RNF150: variants seen among roughly 807,000 people sequenced by gnomAD.
RNF150 encodes ring finger protein 150.
RNF150 carries 24 observed loss-of-function variants against 39.3 expected under a neutral mutation model. The observed-to-expected ratio is 0.61, with a 90% CI of 0.44 to 0.86. The LOEUF is 0.86. Ranked by LOEUF, RNF150 falls within the 40% of genes least tolerant of loss-of-function variation. The probability of loss-of-function intolerance (pLI) is 0.00; values close to 1 mark genes in which losing one functional copy is unlikely to be tolerated. For synonymous variants in RNF150, 255 were observed against 227.3 expected (o/e 1.12, Z -1.10); for missense variants, 502 against 587.8 (o/e 0.85, Z 1.51).
At chr4:141,045,024 T>C (rs1226814801) in intron 1 of RNF150, among the ~76,000 whole-genome samples, 2 of 152,220 alleles carry the variant, frequency 1.3e-5, no homozygotes, top group African/African-American at 2.4e-5. Context: ...ACAACAACCA[T>C]ATGAGGTACA....
At chr4:140,985,432 G>C (rs1325827724) in intron 1 of RNF150, among the ~76,000 whole-genome samples, 1 of 151,930 alleles carries the variant, frequency 6.6e-6, no homozygotes, top group Non-Finnish European at 1.5e-5. Context: ...ATATTTTTTG[G>C]GTATTTTGGG....
chr4:141,196,333 G>T (rs564606252), intron 1 of RNF150, among the ~76,000 whole-genome samples: 12 of 152,270 alleles, frequency 7.9e-5, no homozygotes, highest in Non-Finnish European at 1.3e-4. Flanking sequence ...AAAGGGAGGA[G>T]GGCAAATGAC....
intron 4 of RNF150, among the ~76,000 whole-genome samples, chr4:140,941,967 A>G (rs950321307): frequency 6.6e-6 from 1 of 152,032 alleles, no homozygotes; most frequent in Admixed American, 6.6e-5. Context: ...CAAATTAAAA[A>G]TAAAACGCGC....
At chr4:141,178,650 G>A (rs893794371) in intron 1 of RNF150, among the ~76,000 whole-genome samples, 7 of 152,028 alleles carry the variant, frequency 4.6e-5, no homozygotes, top group African/African-American at 7.3e-5. Context: ...GTGGGGGAGC[G>A]GGAGGTGGGT....
chr4:140,953,613 G>A (rs923200429), intron 2 of RNF150, among the ~76,000 whole-genome samples: 10 of 151,608 alleles, frequency 6.6e-5, no homozygotes, highest in Middle Eastern at 3.4e-3. Flanking sequence ...CCATATGCAT[G>A]TAAACAAGTA....
intron 1 of RNF150, among the ~76,000 whole-genome samples, chr4:141,080,907 C>T (rs561906337): frequency 3.3e-5 from 5 of 152,252 alleles, no homozygotes; most frequent in African/African-American, 7.2e-5. Flanking sequence ...AAGGAACAGC[C>T]GGTGGGCCGA....
At chr4:140,955,061 G>C (rs1445296541) in intron 2 of RNF150, among the ~76,000 whole-genome samples, 1 of 152,088 alleles carries the variant, frequency 6.6e-6, no homozygotes, top group Non-Finnish European at 1.5e-5. Flanking sequence ...AAACAGAGTT[G>C]GTCCCAGTTG....
At chr4:141,055,289 C>T (rs1374111927) in intron 1 of RNF150, among the ~76,000 whole-genome samples, 3 of 152,220 alleles carry the variant, frequency 2.0e-5, no homozygotes, top group East Asian at 3.9e-4. Flanking sequence ...TACTCATCCC[C>T]GCTTATCATC....
intron 6 of RNF150, among the ~76,000 whole-genome samples, chr4:140,909,890 C>T (rs2111269479): frequency 6.6e-6 from 1 of 152,260 alleles, no homozygotes; most frequent in Admixed American, 6.5e-5. Flanking sequence ...TCACCAAGCT[C>T]CTCTTCAAGT....
chr4:141,169,166 C>T (rs1043110130), intron 1 of RNF150, among the ~76,000 whole-genome samples: 6 of 152,016 alleles, frequency 3.9e-5, no homozygotes, highest in African/African-American at 1.4e-4. Flanking sequence ...TAGCCCCATC[C>T]CCTCTTGGTA....
chr4:141,119,521 A>G (rs1276969396), intron 1 of RNF150, among the ~76,000 whole-genome samples: 1 of 152,054 alleles, frequency 6.6e-6, no homozygotes, highest in African/African-American at 2.4e-5. Flanking sequence ...ATAACAGCTG[A>G]CTCCAAAGGA....
chr4:141,127,184 G>A (rs888264691), intron 1 of RNF150, among the ~76,000 whole-genome samples: 1 of 152,196 alleles, frequency 6.6e-6, no homozygotes, highest in Non-Finnish European at 1.5e-5. Context: ...GACCAAGTTA[G>A]ACAGTTTGCC....
intron 1 of RNF150, among the ~76,000 whole-genome samples, chr4:141,144,863 A>C (rs1035641849): frequency 2.6e-5 from 4 of 152,174 alleles, no homozygotes; most frequent in Non-Finnish European, 5.9e-5. Context: ...GGAAGGAAGG[A>C]AAGGCATGCT....
intron 1 of RNF150, among the ~76,000 whole-genome samples, chr4:141,026,331 GAA>G (rs1288611849): frequency 6.6e-6 from 1 of 152,162 alleles, no homozygotes; most frequent in East Asian, 1.9e-4. Context: ...ATATTGGAGA[GAA>G]TGATTTATTC....
At chr4:141,087,467 T>C (rs1247006282) in intron 1 of RNF150, among the ~76,000 whole-genome samples, 1 of 152,186 alleles carries the variant, frequency 6.6e-6, no homozygotes, top group African/African-American at 2.4e-5. Flanking sequence ...AATTACCTAC[T>C]TTCACCTTAC....
At chr4:141,086,027 TACACACACAC>T (rs10527153) in intron 1 of RNF150, among the ~76,000 whole-genome samples, 205 of 140,094 alleles carry the variant, frequency 1.5e-3, no homozygotes, top group Middle Eastern at 7.2e-3. Context: ...TGAGAAGAGT[TACACACACAC>T]ACACACACAC....
chr4:141,118,771 T>A (rs977794824), intron 1 of RNF150, among the ~76,000 whole-genome samples: 1 of 152,112 alleles, frequency 6.6e-6, no homozygotes, highest in African/African-American at 2.4e-5. Context: ...AGTGATTGAT[T>A]GATTTTTGAG....
upstream of RNF150, among the ~76,000 whole-genome samples, chr4:141,133,878 T>C (rs562341851): frequency 7.8e-4 from 119 of 152,224 alleles, 6 homozygotes; most frequent in South Asian, 0.024. Flanking sequence ...GTTTTAAAAC[T>C]CAGACCGATG....
At chr4:140,879,506 T>G (rs1224794076) in intron 6 of RNF150, among the ~76,000 whole-genome samples, 1 of 152,238 alleles carries the variant, frequency 6.6e-6, no homozygotes, top group African/African-American at 2.4e-5. Flanking sequence ...GGAACTGTTT[T>G]CTTAATTTCC....
Sources: allele counts gnomAD v4.1 joint callset (sites outside exome capture counted in the v4.1 genomes callset), GRCh38; gene constraint gnomAD v4.1.1; transcripts MANE v1.5; gene names NCBI Gene and HGNC (gene_info 2026-07-23, HGNC 2026-07-21).